RNLS: variants seen among roughly 807,000 people sequenced by gnomAD.
The protein encoded by RNLS is renalase, FAD dependent amine oxidase.
Under a neutral mutation model 39.8 loss-of-function variants are expected in RNLS, and 39 were observed. The ratio of observed to expected loss-of-function variants is 0.98; its 90% CI spans 0.76 to 1.28. The LOEUF is 1.28. Among genes scored for constraint, RNLS ranks in the 50% most tolerant of loss-of-function variants. The pLI is 0.00. For synonymous variants in RNLS, 147 were observed against 150.7 expected (o/e 0.98, Z 0.18); for missense variants, 410 against 413.3 (o/e 0.99, Z 0.07).
chr10:88,232,254 C>T, the RNLS span, among the ~76,000 whole-genome samples: 4 of 152,202 alleles, frequency 2.6e-5, no homozygotes, highest in East Asian at 5.8e-4. Context: ...ACATGGGCCA[C>T]GACTGCATCT....
intron 4 of RNLS, among the ~76,000 whole-genome samples, chr10:88,426,796 A>G (rs766295000): frequency 5.3e-5 from 8 of 152,022 alleles, no homozygotes; most frequent in Non-Finnish European, 1.0e-4. Flanking sequence ...TAACCAGCAC[A>G]TAACACAGCT....
At chr10:88,559,076 G>T (rs1014418242) in intron 4 of RNLS, among the ~76,000 whole-genome samples, 1 of 152,034 alleles carries the variant, frequency 6.6e-6, no homozygotes, top group Non-Finnish European at 1.5e-5. Flanking sequence ...AATTAGAAAC[G>T]TCTTTTAGTA....
the RNLS span, among the ~76,000 whole-genome samples, chr10:88,268,122 C>A: frequency 1.3e-5 from 2 of 152,120 alleles, no homozygotes; most frequent in Non-Finnish European, 2.9e-5. Context: ...CTAATTGGAT[C>A]TCTTTTCAGA....
chr10:88,377,904 A>AAAAC (rs1309906335), intron 4 of RNLS, among the ~76,000 whole-genome samples: 2 of 152,182 alleles, frequency 1.3e-5, no homozygotes, highest in African/African-American at 4.8e-5. Flanking sequence ...CACTTAGCTT[A>AAAAC]AAACACACAT....
At chr10:88,330,074 T>G (rs1846984544) in intron 5 of RNLS, among the ~76,000 whole-genome samples, 3 of 130,360 alleles carry the variant, frequency 2.3e-5, no homozygotes, top group East Asian at 2.0e-4. Flanking sequence ...TTTTGAGATA[T>G]ATATATATAT....
chr10:88,555,500 C>A (rs543489359), intron 4 of RNLS, among the ~76,000 whole-genome samples: 1 of 152,158 alleles, frequency 6.6e-6, no homozygotes, highest in African/African-American at 2.4e-5. Context: ...CTTGTTCCCT[C>A]TCTCCTCATG....
Position 88,473,473 on chromosome 10 carries a change from T to C in RNLS, c.526+99430A>G, listed in dbSNP as rs111839142. Among the ~76,000 whole-genome samples, 373 of 152,196 alleles carry C rather than the reference T, an allele frequency of 2.5e-3. 2 individuals are homozygous for C. Among genetic ancestry groups the C allele is most frequent in the African/African-American group, 8.4e-3 (349 of 41,548 alleles). On this transcript the variant is annotated intron_variant, in intron 4 of 6. Transcript: ENST00000331772. Reference sequence around the variant, plus strand: ...ATATGGCACACAGGCCTTGATGTTATAAAATGATGGTTAAACTTTGGAGAC... The same window carrying C: ...ATATGGCACACAGGCCTTGATGTTACAAAATGATGGTTAAACTTTGGAGAC...
the RNLS span, among the ~76,000 whole-genome samples, chr10:88,229,040 T>A: frequency 3.1e-3 from 470 of 152,272 alleles, 2 homozygotes; most frequent in African/African-American, 0.011. Flanking sequence ...CACCCATCCA[T>A]CCCCTTCTTC....
At chr10:88,290,784 C>T (rs182099375) in intron 6 of RNLS, among the ~76,000 whole-genome samples, 3 of 152,306 alleles carry the variant, frequency 2.0e-5, no homozygotes. Flanking sequence ...GTCCTCTGTG[C>T]TGTCTAAAAC....
chr10:88,361,665 A>G (rs74378451), intron 5 of RNLS, among the ~76,000 whole-genome samples: 29,525 of 152,192 alleles, frequency 0.19, 3,345 homozygotes, highest in Non-Finnish European at 0.27. Flanking sequence ...ACCATACTCC[A>G]GCCCAGTTCT....
exon 7 of RNLS, chr10:88,274,909 T>TA: frequency 7.1e-7 from 1 of 1,415,082 alleles, no homozygotes; most frequent in Non-Finnish European, 1.0e-6. Context: ...AGTGGTATCC[T>TA]TAAAAAAAAA....
rs1846992155 is a variant in RNLS, at chr10:88,524,940, ATATATATGG to A, written c.526+47954_526+47962del. 2.3e-5 allele frequency among the ~76,000 whole-genome samples: 3 copies of A among 130,236 alleles called. No homozygotes were observed. The South Asian group carries it at 7.7e-4, about 34-fold the overall frequency. 85.4% of individuals were successfully genotyped at this position (130,236 alleles called of 152,430 possible). On this transcript the variant is annotated intron_variant, in intron 4 of 6. Transcript: ENST00000331772. Reference sequence around the variant, plus strand: ...TAAACTCCATGTATGCCATATATATATATATATGGCACACACATACATATATATATATAT... The same window carrying A: ...TAAACTCCATGTATGCCATATATATACACACACATACATATATATATATAT...
chr10:88,407,346 G>A (rs776664725), intron 4 of RNLS, among the ~76,000 whole-genome samples: 1 of 151,848 alleles, frequency 6.6e-6, no homozygotes, highest in Non-Finnish European at 1.5e-5. Context: ...TGTTTTTGTT[G>A]CTAGTTTGGT....
At chr10:88,445,342 TG>T (rs1208712327) in intron 4 of RNLS, among the ~76,000 whole-genome samples, 1 of 152,066 alleles carries the variant, frequency 6.6e-6, no homozygotes, top group Admixed American at 6.5e-5. Context: ...AAGGAACAAC[TG>T]GTACCAGCCA....
At chr10:88,341,540 G>C (rs963024734) in intron 5 of RNLS, among the ~76,000 whole-genome samples, 2 of 151,940 alleles carry the variant, frequency 1.3e-5, no homozygotes. Context: ...TTTCACTACA[G>C]TCAATTTTTT....
Position 88,468,072 on chromosome 10 carries a change from C to T in RNLS, c.526+104831G>A, listed in dbSNP as rs145933596. Among the ~76,000 whole-genome samples, 6 of 152,130 alleles carry T rather than the reference C, an allele frequency of 3.9e-5. No homozygotes were observed. In the East Asian group the frequency reaches 7.7e-4, roughly 20 times the overall value. ...AATAGATAGGGAGTGTTCCTTGATC[C>T]GATTAGGAGTTGAAAAGAACAACAG... is the stretch of plus-strand genomic sequence containing the variant. On this transcript the variant is annotated intron_variant, in intron 4 of 6. Transcript: ENST00000331772.
the RNLS span, among the ~76,000 whole-genome samples, chr10:88,182,794 C>G: frequency 2.0e-5 from 3 of 151,682 alleles, no homozygotes; most frequent in Non-Finnish European, 2.9e-5. Flanking sequence ...AACAGTGAAG[C>G]TTTTTTTTGT....
At chr10:88,203,324 A>G in the RNLS span, among the ~76,000 whole-genome samples, 23 of 7,658 alleles carry the variant, frequency 3.0e-3, 8 homozygotes, top group African/African-American at 0.014. Flanking sequence ...GTATGTATAT[A>G]TATATATATA....
chr10:88,483,182 G>C (rs1844299195), intron 4 of RNLS, among the ~76,000 whole-genome samples: 1 of 152,052 alleles, frequency 6.6e-6, no homozygotes, highest in Non-Finnish European at 1.5e-5. Context: ...TCAAAATTTA[G>C]CAGTTTTTCA....
Sources: allele counts gnomAD v4.1 joint callset (sites outside exome capture counted in the v4.1 genomes callset), GRCh38; gene constraint gnomAD v4.1.1; transcripts MANE v1.5; gene names NCBI Gene and HGNC (gene_info 2026-07-23, HGNC 2026-07-21).